DCC: variants seen among roughly 807,000 people sequenced by gnomAD.
DCC encodes DCC netrin 1 receptor, also known as netrin receptor DCC.
Under a neutral mutation model 172.5 loss-of-function variants are expected in DCC, and 58 were observed. The ratio of observed to expected loss-of-function variants is 0.34; its 90% CI spans 0.27 to 0.42. DCC has a LOEUF of 0.42. Ranked by LOEUF, DCC falls within the 10% of genes least tolerant of loss-of-function variation. DCC has a pLI of 1.00. For missense variants in DCC, 1,740 were observed against 1,791.0 expected, an observed-to-expected ratio of 0.97 and a Z score of 0.51; for synonymous variants, 709 against 644.5, an observed-to-expected ratio of 1.10 and a Z score of -1.52.
chr18:53,535,784 T>C lies in DCC; in HGVS notation c.*5131T>C, dbSNP rs1022760029. ...TTCTACACATGATCTTGTATACTAC[T>C]ACACAAGGAAAAGGGGGTTTTGTAA... On this transcript the variant is annotated 3_prime_UTR_variant, in exon 29 of 29. Coordinates refer to ENST00000442544, the MANE Select transcript of DCC (RefSeq NM_005215.4). The C allele has an allele frequency of 2.0e-5, 3 of 152,154 alleles. No homozygotes were observed. The highest frequency in any genetic ancestry group is 2.0e-4 in the Admixed American group (3 of 15,276). The allele number at this position is 152,154 out of a possible 1,614,324, so 9.4% of individuals were successfully genotyped here.
chr18:53,123,822 C>T lies in DCC; in HGVS notation c.1262-33534C>T, dbSNP rs2043517606. The stretch of plus-strand genomic sequence containing the variant: ...CAACGTGTCACGGTCCTTTTCTCCA[C>T]GTTTTCTTGCTATACCCGTCTCATC... On this transcript the variant is annotated intron_variant, in intron 7 of 28. Coordinates refer to ENST00000442544, the MANE Select transcript of DCC (RefSeq NM_005215.4). Among the ~76,000 whole-genome samples, 3 of 152,056 alleles carry T rather than the reference C, an allele frequency of 2.0e-5. No homozygotes were observed. In the South Asian group the frequency reaches 6.2e-4, roughly 31 times the overall value.
At chr18:52,423,414 G>A (rs959560451) in intron 1 of DCC, among the ~76,000 whole-genome samples, 2 of 152,102 alleles carry the variant, frequency 1.3e-5, no homozygotes, top group African/African-American at 4.8e-5. Context: ...ACCATGAAAT[G>A]TCTGAAACAC....
chr18:53,235,405 G>A (rs1337157352), intron 12 of DCC, among the ~76,000 whole-genome samples: 1 of 152,108 alleles, frequency 6.6e-6, no homozygotes, highest in East Asian at 1.9e-4. Flanking sequence ...TTTTGTCTGA[G>A]TAGAGTTACA....
intron 7 of DCC, among the ~76,000 whole-genome samples, chr18:53,069,761 G>A (rs554044629): frequency 2.0e-5 from 3 of 152,076 alleles, no homozygotes; most frequent in Non-Finnish European, 4.4e-5. Context: ...AAATAGAAGG[G>A]AGAAGCGACC....
At chr18:53,450,142 T>C (rs8093161) in intron 22 of DCC, among the ~76,000 whole-genome samples, 73,923 of 148,940 alleles carry the variant, frequency 0.5, 18,984 homozygotes, top group Non-Finnish European at 0.58. Context: ...TATATATATA[T>C]ACACACACAC....
At chr18:52,765,111 C>A (rs1478591066) in intron 2 of DCC, among the ~76,000 whole-genome samples, 1 of 151,616 alleles carries the variant, frequency 6.6e-6, no homozygotes, top group Non-Finnish European at 1.5e-5. Context: ...TCACTGCAAC[C>A]TCCGCCTCCC....
chr18:53,190,213 G>A (rs558248904), intron 9 of DCC, among the ~76,000 whole-genome samples: 7 of 152,076 alleles, frequency 4.6e-5, no homozygotes, highest in South Asian at 4.2e-4. Flanking sequence ...GGCATGAGCC[G>A]ACATGTCTGG....
chr18:53,111,150 CA>C (rs1169713262), intron 7 of DCC, among the ~76,000 whole-genome samples: 1 of 149,284 alleles, frequency 6.7e-6, no homozygotes, highest in Non-Finnish European at 1.5e-5. Flanking sequence ...ATCGCAAGGA[CA>C]AAAAACCAAA....
At chr18:52,653,551 A>G (rs1055360257) in intron 1 of DCC, among the ~76,000 whole-genome samples, 2 of 152,200 alleles carry the variant, frequency 1.3e-5, no homozygotes, top group Non-Finnish European at 2.9e-5. Context: ...TAATTGAGGT[A>G]TGCACAAAGG....
chr18:52,530,728 G>A (rs900227531), intron 1 of DCC, among the ~76,000 whole-genome samples: 3 of 152,226 alleles, frequency 2.0e-5, no homozygotes, highest in Non-Finnish European at 2.9e-5. Context: ...CATTTACTTG[G>A]CATCCAAAAA....
At chr18:53,210,757 A>G (rs905785020) in intron 11 of DCC, among the ~76,000 whole-genome samples, 8 of 152,198 alleles carry the variant, frequency 5.3e-5, no homozygotes, top group Non-Finnish European at 8.8e-5. Context: ...TAAAAAAGCA[A>G]AAGTTAAGTG....
At chr18:53,225,454 G>C (rs371681632) in intron 12 of DCC, among the ~76,000 whole-genome samples, 1 of 152,184 alleles carries the variant, frequency 6.6e-6, no homozygotes, top group Non-Finnish European at 1.5e-5. Context: ...CCTTTGAGGA[G>C]GCAAGAACAC....
chr18:52,586,102 A>AAC (rs2033667881), intron 1 of DCC, among the ~76,000 whole-genome samples: 1 of 151,210 alleles, frequency 6.6e-6, no homozygotes, highest in Non-Finnish European at 1.5e-5. Context: ...AAAAAAAAAA[A>AAC]AAAAAACAAA....
rs1052630700 is a variant in DCC, at chr18:53,382,905, A to G, written c.2360-3138A>G. On this transcript the variant is annotated intron_variant, in intron 15 of 28. Transcript: ENST00000442544. ...CTTAGGTCACATACAAATTTTATGA[A>G]GAAAACTCAATCAGATCAATTTTTA... is the stretch of plus-strand genomic sequence containing the variant. 6.6e-5 allele frequency among the ~76,000 whole-genome samples: 10 copies of G among 152,128 alleles called. 1 individual carries two copies. Among genetic ancestry groups the G allele is most frequent in the Admixed American group, 5.9e-4 (9 of 15,260 alleles).
intron 1 of DCC, among the ~76,000 whole-genome samples, chr18:52,413,997 C>G (rs927899898): frequency 2.6e-5 from 4 of 152,094 alleles, no homozygotes; most frequent in African/African-American, 9.7e-5. Context: ...TATCACACAC[C>G]TTTCATCTCT....
chr18:52,758,907 A>C (rs887768101), intron 2 of DCC: 2 of 152,200 alleles, frequency 1.3e-5, no homozygotes, highest in African/African-American at 4.8e-5. Flanking sequence ...GTTACAGTGC[A>C]GAGCTTTCCA....
intron 5 of DCC, among the ~76,000 whole-genome samples, chr18:53,059,768 T>G (rs2042468080): frequency 6.6e-6 from 1 of 152,276 alleles, no homozygotes; most frequent in Admixed American, 6.5e-5. Context: ...TCCGAACTTC[T>G]TCTACTCATC....
At chr18:52,897,067 C>A (rs1424282877) in intron 2 of DCC, among the ~76,000 whole-genome samples, 2 of 152,124 alleles carry the variant, frequency 1.3e-5, no homozygotes, top group Non-Finnish European at 2.9e-5. Flanking sequence ...TAGCAATGCT[C>A]TTAGGTGAGA....
At chr18:52,423,864 ATATGT>A (rs1346288029) in intron 1 of DCC, among the ~76,000 whole-genome samples, 1 of 152,192 alleles carries the variant, frequency 6.6e-6, no homozygotes, top group African/African-American at 2.4e-5. Flanking sequence ...TTGAAGATTA[ATATGT>A]TATGAGTATA....
Sources: allele counts gnomAD v4.1 joint callset (sites outside exome capture counted in the v4.1 genomes callset), GRCh38; gene constraint gnomAD v4.1.1; transcripts MANE v1.5; gene names NCBI Gene and HGNC (gene_info 2026-07-23, HGNC 2026-07-21).